PCDHA13: variants seen among roughly 807,000 people sequenced by gnomAD.
The protein encoded by PCDHA13 is protocadherin alpha 13, also known as protocadherin alpha-13.
PCDHA13 carries 54 observed loss-of-function variants against 64.8 expected under a neutral mutation model. The ratio of observed to expected loss-of-function variants is 0.83; its 90% CI spans 0.67 to 1.04. The LOEUF (loss-of-function observed/expected upper bound fraction) is 1.04. Among genes scored for constraint, PCDHA13 ranks in the 50% least tolerant of loss-of-function variants. PCDHA13 has a pLI of 0.00. For missense variants in PCDHA13, 1,248 were observed against 1,254.3 expected, an observed-to-expected ratio of 0.99 and a Z score of 0.08; for synonymous variants, 587 against 564.4, an observed-to-expected ratio of 1.04 and a Z score of -0.57.
Position 140,882,352 on chromosome 5 carries a change from T to A in PCDHA13, c.84T>A (p.Ser28Arg). The change falls in exon 1 of 4, where the codon AGT (serine) becomes AGA (arginine). Residue 28 changes from serine to arginine, a missense_variant. Coordinates refer to ENST00000289272, the MANE Select transcript of PCDHA13 (RefSeq NM_018904.3). Reference sequence around the variant, plus strand: ...TCCTCGCAGCCTGGGAGACGGGTAGTGGCCAGCTCCACTACTCCGTCCCCG... The same window carrying A: ...TCCTCGCAGCCTGGGAGACGGGTAGAGGCCAGCTCCACTACTCCGTCCCCG... ...LLILAAWETGSGQLHYSVPEE... is the reference protein window; with the variant it reads ...LLILAAWETGRGQLHYSVPEE... 6.2e-7 allele frequency: 1 copy of A among 1,614,166 alleles called. No homozygotes were observed. Among genetic ancestry groups the A allele is most frequent in the Non-Finnish European group, 8.5e-7 (1 of 1,180,004 alleles).
chr5:140,885,287 G>T (rs1224083539), intron 1 of PCDHA13, among the ~76,000 whole-genome samples: 1 of 152,050 alleles, frequency 6.6e-6, no homozygotes, highest in African/African-American at 2.4e-5. Context: ...TACATATATA[G>T]AGAGAGACCT....
chr5:140,886,827 G>GAAAA (rs782016620), intron 1 of PCDHA13, among the ~76,000 whole-genome samples: 11 of 60,864 alleles, frequency 1.8e-4, no homozygotes, highest in Admixed American at 1.8e-4. Context: ...ACTTCGTCTT[G>GAAAA]AAAAAAAAAA....
chr5:140,927,275 A>G, intron 1 of PCDHA13: 1 of 1,614,124 alleles, frequency 6.2e-7, no homozygotes, highest in Non-Finnish European at 8.5e-7. Flanking sequence ...CCTGCCGGCG[A>G]CGTGCAGCTG....
At chr5:140,958,264 A>G (rs2153717297) in intron 1 of PCDHA13, among the ~76,000 whole-genome samples, 1 of 152,230 alleles carries the variant, frequency 6.6e-6, no homozygotes, top group Admixed American at 6.5e-5. Flanking sequence ...TTAATTTGGT[A>G]CAAGAAGTAT....
At chr5:140,892,152 C>T (rs1364975733) in intron 1 of PCDHA13, among the ~76,000 whole-genome samples, 1 of 152,118 alleles carries the variant, frequency 6.6e-6, no homozygotes, top group African/African-American at 2.4e-5. Context: ...GCGTCTATTT[C>T]TGATATGTCC....
At chr5:140,957,189 G>T (rs1376112973) in intron 1 of PCDHA13, among the ~76,000 whole-genome samples, 1 of 152,174 alleles carries the variant, frequency 6.6e-6, no homozygotes, top group South Asian at 2.1e-4. Context: ...ATTGATGACC[G>T]ATTGGGAATA....
At chr5:140,927,899 A>G (rs1554205221) in intron 1 of PCDHA13, 2 of 1,614,194 alleles carry the variant, frequency 1.2e-6, no homozygotes, top group Admixed American at 1.7e-5. Context: ...GTGAACGATC[A>G]TGCCCCCGAA....
At position 140,884,471 on chromosome 5, in the gene PCDHA13, G is replaced by A. The variant is rs2060197778; in HGVS notation, c.2203G>A (p.Gly735Ser). The change falls in exon 1 of 4, where the codon GGC becomes AGC. Residue 735 changes from glycine to serine, a missense_variant. Physicochemically the swap from Gly to Ser is moderately conservative, Grantham distance 56. Coordinates refer to ENST00000289272, the MANE Select transcript of PCDHA13 (RefSeq NM_018904.3). ...APPTEGACAP[G>S]KPTLVCSSAA... Reference sequence around the variant, plus strand: ...GCCCACCGAGGGCGCGTGCGCGCCGGGCAAGCCCACTCTAGTGTGCTCCAG... The same window carrying A: ...GCCCACCGAGGGCGCGTGCGCGCCGAGCAAGCCCACTCTAGTGTGCTCCAG... 6.2e-7 allele frequency: 1 copy of A among 1,613,802 alleles called. No individual in the cohort carries two copies. Among genetic ancestry groups the A allele is most frequent in the Non-Finnish European group, 8.5e-7 (1 of 1,179,840 alleles).
chr5:140,916,831 G>A (rs1038292722), intron 1 of PCDHA13, among the ~76,000 whole-genome samples: 22 of 152,082 alleles, frequency 1.4e-4, no homozygotes, highest in Non-Finnish European at 2.9e-4. Context: ...CTATCCCTCT[G>A]GTTCTGAGCC....
rs1554263543 is a variant in PCDHA13, at chr5:141,011,545, G to A, written c.*1608G>A. 1 of 153,624 alleles carries A rather than the reference G, an allele frequency of 6.5e-6. No individual in the cohort carries two copies. Among genetic ancestry groups the A allele is most frequent in the Non-Finnish European group, 1.5e-5 (1 of 68,004 alleles). 9.5% of individuals were successfully genotyped at this position (153,624 alleles called of 1,614,324 possible). A position where few individuals can be genotyped will look rare whatever the true frequency, so the allele number is the denominator to read the frequency against. Reference sequence around the variant, plus strand: ...TTAACCATTGTTAATCAGCTTTTGTGTATGAAAGACACAGTAAAATTTCTT... The same window carrying A: ...TTAACCATTGTTAATCAGCTTTTGTATATGAAAGACACAGTAAAATTTCTT... On this transcript the variant is annotated 3_prime_UTR_variant, in exon 4 of 4. Coordinates refer to ENST00000289272, the MANE Select transcript of PCDHA13 (RefSeq NM_018904.3).
In PCDHA13 at chr5:140,883,834, G is replaced by A. The variant is rs891069385; in HGVS notation, c.1566G>A (p.Pro522=). The change falls in exon 1 of 4, where the codon CCG becomes CCA. Residue 522 remains proline (P), a synonymous_variant. Transcript: ENST00000289272. ...GCGGCAAGGTGTACGCGCTGCAGCC[G>A]TTGGACCACGAGGAGCTGGAGCTGT... The part of the protein sequence containing the change: ...AESGKVYALQ[P]LDHEELELLQ... The A allele has an allele frequency of 6.2e-7, 1 of 1,612,658 alleles. No individual in the cohort carries two copies. The highest frequency in any genetic ancestry group is 8.5e-7 in the Non-Finnish European group (1 of 1,179,818).
At position 140,883,117 on chromosome 5, in the gene PCDHA13, G is replaced by T. The variant is rs782191143; in HGVS notation, c.849G>T (p.Arg283Ser). Reference sequence around the variant, plus strand: ...GAGATATAGTTTACTCATTTAGAAGGCCTGTATGGCCTGCAGTGGTATATG... The same window carrying T: ...GAGATATAGTTTACTCATTTAGAAGTCCTGTATGGCCTGCAGTGGTATATG... Reference protein sequence around the residue: ...TNGDIVYSFRRPVWPAVVYAF... With the variant: ...TNGDIVYSFRSPVWPAVVYAF... Residue 283 changes from arginine to serine, a missense_variant, in exon 1 of 4, where the codon AGG becomes AGT. Physicochemically the swap from Arg to Ser is moderately radical, Grantham distance 110 (BLOSUM62 -1). Transcript: ENST00000289272. 2.5e-6 allele frequency: 4 copies of T among 1,613,898 alleles called. No homozygotes were observed. Among genetic ancestry groups the T allele is most frequent in the Admixed American group, 3.3e-5 (2 of 59,964 alleles).
rs782590821 is a variant in PCDHA13 at position 140,929,251 on chromosome 5, G to T, written c.2394+44589G>T. On this transcript the variant is annotated intron_variant, in intron 1 of 3. Transcript: ENST00000289272. ...CGACCTGCGAAATCTTGCCACTGGG[G>T]TAGGACTGAATTTGCCAATATCCTG... The T allele has an allele frequency of 3.1e-6, 5 of 1,613,416 alleles. No homozygotes were observed. Among genetic ancestry groups the T allele is most frequent in the African/African-American group, 1.3e-5 (1 of 74,908 alleles).
At chr5:141,000,405 A>ATG (rs2097918195) in intron 3 of PCDHA13, among the ~76,000 whole-genome samples, 3 of 88,878 alleles carry the variant, frequency 3.4e-5, no homozygotes, top group African/African-American at 1.4e-4. Flanking sequence ...CTATATATAT[A>ATG]TATATATATA....
intron 1 of PCDHA13, among the ~76,000 whole-genome samples, chr5:140,939,634 G>C (rs1032922800): frequency 3.9e-5 from 6 of 152,066 alleles, no homozygotes; most frequent in African/African-American, 7.2e-5. Context: ...AATCAATAAG[G>C]GTACTGAAAA....
intron 1 of PCDHA13, chr5:140,929,179 G>C: frequency 6.2e-7 from 1 of 1,614,104 alleles, no homozygotes. Context: ...TCTGGGACTT[G>C]GTTCTGATAA....
At chr5:140,944,406 C>A (rs1003379783) in intron 1 of PCDHA13, among the ~76,000 whole-genome samples, 1 of 152,084 alleles carries the variant, frequency 6.6e-6, no homozygotes, top group Non-Finnish European at 1.5e-5. Context: ...AGGCTGGTCT[C>A]GAACTCCTGA....
chr5:140,936,016 C>G (rs1170221921), intron 1 of PCDHA13, among the ~76,000 whole-genome samples: 1 of 151,732 alleles, frequency 6.6e-6, no homozygotes, highest in Non-Finnish European at 1.5e-5. Context: ...CCTCAGCCTC[C>G]CGAGTAGCGG....
chr5:140,959,163 C>T (rs246007), intron 1 of PCDHA13, among the ~76,000 whole-genome samples: 85,446 of 151,632 alleles, frequency 0.56, 24,671 homozygotes, highest in African/African-American at 0.69. Context: ...GATTGCTTGA[C>T]CCCAGGAGTT....
Sources: allele counts gnomAD v4.1 joint callset (sites outside exome capture counted in the v4.1 genomes callset), GRCh38; gene constraint gnomAD v4.1.1; transcripts MANE v1.5; gene names NCBI Gene and HGNC (gene_info 2026-07-23, HGNC 2026-07-21).